The following ANK3 variants were observed in gnomAD, a reference collection of about 807,000 sequenced individuals.
ANK3 encodes the protein ankyrin 3, also known as ankyrin-3.
ANK3 carries 57 observed loss-of-function variants against 370.9 expected under a neutral mutation model. The observed-to-expected ratio is 0.15, with a 90% CI of 0.12 to 0.19. The LOEUF is 0.19. Among genes scored for constraint, ANK3 ranks in the 10% least tolerant of loss-of-function variants. ANK3 has a pLI of 1.00. For synonymous variants in ANK3, 1,929 were observed against 1,946.3 expected (o/e 0.99, Z 0.23); for missense variants, 4,439 against 5,302.1 (o/e 0.84, Z 5.06).
At chr10:60,216,413 GCT>G (rs991073275) in intron 8 of ANK3, among the ~76,000 whole-genome samples, 28 of 152,116 alleles carry the variant, frequency 1.8e-4, no homozygotes, top group Non-Finnish European at 4.1e-4. Context: ...GTCATAAATA[GCT>G]CTTATCATTT....
At position 60,072,573 on chromosome 10, in the gene ANK3, C is replaced by A. The variant is rs797045238; in HGVS notation, c.8308G>T (p.Ala2770Ser). The change falls in exon 37 of 44, where the codon GCC (alanine) becomes TCC (serine). Residue 2770 changes from alanine (A) to serine (S), a missense_variant. Transcript: ENST00000280772. ...QVFAREKQQK[A>S]IDLPDESVSV... Reference sequence around the variant, plus strand: ...ACACTTTCATCTGGGAGGTCTATGGCCTTCTGCTGTTTTTCTCTAGCAAAA... The same window carrying A: ...ACACTTTCATCTGGGAGGTCTATGGACTTCTGCTGTTTTTCTCTAGCAAAA... 3 of 1,613,438 alleles carry A rather than the reference C, an allele frequency of 1.9e-6. No homozygotes were observed. Among genetic ancestry groups the A allele is most frequent in the Non-Finnish European group, 2.5e-6 (3 of 1,179,836 alleles).
intron 8 of ANK3, among the ~76,000 whole-genome samples, chr10:60,233,576 T>A (rs1312696026): frequency 6.6e-6 from 1 of 152,118 alleles, no homozygotes; most frequent in African/African-American, 2.4e-5. Flanking sequence ...AGACTATAAG[T>A]GCATGCCACC....
At chr10:60,041,911 C>T (rs1405941918) in intron 43 of ANK3, among the ~76,000 whole-genome samples, 2 of 151,892 alleles carry the variant, frequency 1.3e-5, no homozygotes, top group African/African-American at 4.8e-5. Context: ...TCTGTTTGCT[C>T]TTTCTTACTA....
At chr10:60,648,443 G>A (rs1466648864) in intron 1 of ANK3, among the ~76,000 whole-genome samples, 1 of 145,978 alleles carries the variant, frequency 6.9e-6, no homozygotes, top group Non-Finnish European at 1.5e-5. Flanking sequence ...ACAGGCGTGA[G>A]CCACCGCACC....
Position 60,405,328 on chromosome 10 carries a change from A to T in ANK3, c.97-125689T>A, listed in dbSNP as rs186000016. ...GTGGTGTACTCATACAATTAATCTT[A>T]AAGAAGGAAAAAACCCCTACTGTTA... On this transcript the variant is annotated intron_variant, in intron 2 of 43. Coordinates refer to the ANK3 transcript ENST00000373827. Among the ~76,000 whole-genome samples, 3 of 152,320 alleles carry T rather than the reference A, an allele frequency of 2.0e-5. No homozygotes were observed. The East Asian group carries it at 5.8e-4, about 29-fold the overall frequency.
chr10:60,183,411 A>G (rs916898209), intron 17 of ANK3, among the ~76,000 whole-genome samples: 1 of 152,190 alleles, frequency 6.6e-6, no homozygotes, highest in Non-Finnish European at 1.5e-5. Flanking sequence ...CTTAGGTAGA[A>G]CAGTATAAAT....
At chr10:60,712,909 A>G (rs949650156) in intron 1 of ANK3, among the ~76,000 whole-genome samples, 1 of 152,230 alleles carries the variant, frequency 6.6e-6, no homozygotes, top group Non-Finnish European at 1.5e-5. Flanking sequence ...CTAAGAAGAC[A>G]TAACTATTAA....
chr10:60,715,215 A>ATGTGTGTGTGTG (rs5785463), intron 1 of ANK3, among the ~76,000 whole-genome samples: 3,781 of 147,270 alleles, frequency 0.026, 63 homozygotes, highest in South Asian at 0.054. Context: ...ACATATACAA[A>ATGTGTGTGTGTG]TGTGTGTGTG....
chr10:60,271,074 T>C (rs557932089), intron 4 of ANK3, among the ~76,000 whole-genome samples: 9 of 152,194 alleles, frequency 5.9e-5, no homozygotes, highest in Admixed American at 5.9e-4. Flanking sequence ...ATGTTGTATA[T>C]ATATTTTTTC....
At chr10:60,282,124 A>G (rs1240921000) in intron 1 of ANK3, among the ~76,000 whole-genome samples, 2 of 152,210 alleles carry the variant, frequency 1.3e-5, no homozygotes, top group African/African-American at 4.8e-5. Flanking sequence ...GAATTTGCCC[A>G]GAAGGGCTCT....
intron 2 of ANK3, among the ~76,000 whole-genome samples, chr10:60,562,433 G>A (rs960799135): frequency 1.3e-5 from 2 of 151,608 alleles, no homozygotes; most frequent in Non-Finnish European, 2.9e-5. Flanking sequence ...TGGGGTAGGG[G>A]GATGGAGTCT....
At chr10:60,557,587 A>C (rs2077238159) in intron 2 of ANK3, among the ~76,000 whole-genome samples, 1 of 152,164 alleles carries the variant, frequency 6.6e-6, no homozygotes, top group Non-Finnish European at 1.5e-5. Context: ...GAATATAGTT[A>C]ATGCCACTAA....
intron 1 of ANK3, among the ~76,000 whole-genome samples, chr10:60,683,634 C>T (rs2079226128): frequency 6.6e-6 from 1 of 152,216 alleles, no homozygotes; most frequent in African/African-American, 2.4e-5. Context: ...GCAAAATCCA[C>T]CTGATTGCTC....
intron 1 of ANK3, among the ~76,000 whole-genome samples, chr10:60,326,877 C>T (rs2050017142): frequency 6.0e-5 from 4 of 66,290 alleles, no homozygotes; most frequent in South Asian, 2.8e-3. Context: ...AAAAATTAGT[C>T]GGGTGCGGTG....
intron 43 of ANK3, among the ~76,000 whole-genome samples, chr10:60,041,872 C>G (rs576863508): frequency 6.6e-6 from 1 of 152,284 alleles, no homozygotes. Context: ...AAGCAGGGAA[C>G]AGCAGATGCA....
At chr10:60,524,833 G>A (rs549566497) in intron 2 of ANK3, among the ~76,000 whole-genome samples, 4 of 152,010 alleles carry the variant, frequency 2.6e-5, no homozygotes, top group Non-Finnish European at 5.9e-5. Flanking sequence ...AGGATGAAAG[G>A]GAGCATCATG....
chr10:60,548,593 T>C (rs2077023930), intron 2 of ANK3, among the ~76,000 whole-genome samples: 1 of 152,138 alleles, frequency 6.6e-6, no homozygotes, highest in South Asian at 2.1e-4. Context: ...AAATAAGGGT[T>C]GGGTCCTGAT....
At chr10:60,708,228 A>G (rs887076431) in intron 1 of ANK3, among the ~76,000 whole-genome samples, 12 of 152,230 alleles carry the variant, frequency 7.9e-5, no homozygotes, top group Non-Finnish European at 1.0e-4. Flanking sequence ...ATCTGTCTTC[A>G]AAGTTCCTTT....
At chr10:60,332,164 A>G (rs1444675933) in intron 1 of ANK3, among the ~76,000 whole-genome samples, 2 of 152,202 alleles carry the variant, frequency 1.3e-5, no homozygotes, top group Non-Finnish European at 2.9e-5. Context: ...ACATCCTTCC[A>G]TCTCTGTCAT....
Sources: gnomAD v4.1 joint callset for allele counts (sites outside exome capture counted in the v4.1 genomes callset) on GRCh38, gnomAD v4.1.1 for gene constraint, MANE v1.5 for transcripts, NCBI Gene and HGNC (gene_info 2026-07-23, HGNC 2026-07-21) for gene names.